Variants in GLIPR2 observed in about 807,000 individuals in gnomAD.
GLIPR2 encodes GLI pathogenesis related 2, also known as Golgi-associated plant pathogenesis-related protein 1.
In GLIPR2, 21 loss-of-function variants were observed where a neutral mutation model predicts 20.4. The ratio of observed to expected loss-of-function variants is 1.03; its 90% CI spans 0.73 to 1.48. The LOEUF (loss-of-function observed/expected upper bound fraction) is 1.48. Among genes scored for constraint, GLIPR2 ranks in the 40% most tolerant of loss-of-function variants. The probability of loss-of-function intolerance (pLI) is 0.00; values close to 1 mark genes in which losing one functional copy is unlikely to be tolerated. For missense variants in GLIPR2, 205 were observed against 200.1 expected (o/e 1.02, Z -0.15); for synonymous variants, 91 against 80.5 (o/e 1.13, Z -0.70).
intron 4 of GLIPR2, among the ~76,000 whole-genome samples, chr9:36,153,303 ATCACTGACTACTCGTT>A (rs1444434563): frequency 2.6e-5 from 4 of 152,114 alleles, no homozygotes; most frequent in Admixed American, 2.6e-4. Flanking sequence ...ACTTTCCATG[ATCACTGACTACTCGTT>A]TCACTCATTG....
At chr9:36,153,371 C>A (rs1430365005) in intron 4 of GLIPR2, among the ~76,000 whole-genome samples, 6 of 152,206 alleles carry the variant, frequency 3.9e-5, no homozygotes, top group Non-Finnish European at 8.8e-5. Flanking sequence ...CCCAGAGCGG[C>A]CAGCCCTTGT....
intron 1 of GLIPR2, among the ~76,000 whole-genome samples, chr9:36,144,005 A>G (rs1825209195): frequency 6.6e-6 from 1 of 151,960 alleles, no homozygotes; most frequent in East Asian, 1.9e-4. Context: ...CCAATTCCTC[A>G]TCAGACCCCT....
intron 1 of GLIPR2, among the ~76,000 whole-genome samples, chr9:36,137,163 C>A (rs200728912): frequency 2.0e-5 from 3 of 152,142 alleles, no homozygotes; most frequent in Non-Finnish European, 4.4e-5. Flanking sequence ...TCGGCTGTCC[C>A]GAGGACAGCC....
intron 4 of GLIPR2, among the ~76,000 whole-genome samples, chr9:36,159,729 G>A (rs1825979447): frequency 1.3e-5 from 2 of 152,002 alleles, no homozygotes. Flanking sequence ...TACTTGGCTG[G>A]GCCAAGGCGA....
chr9:36,155,760 C>T lies in GLIPR2; in HGVS notation c.304+4811C>T, dbSNP rs190699273. Among the ~76,000 whole-genome samples, 45 of 152,120 alleles carry T rather than the reference C, an allele frequency of 3.0e-4. No individual in the cohort carries two copies. The East Asian group carries it at 7.8e-3, about 26-fold the overall frequency. ...GTACACCAGTCTCTTCCTCTCTCTC[C>T]TACTTTCTTTTTTTAATTTTTTAGT... On this transcript the variant is annotated intron_variant, in intron 4 of 4. Coordinates refer to ENST00000377960, the MANE Select transcript of GLIPR2 (RefSeq NM_022343.4).
chr9:36,159,148 A>G (rs1246014277), intron 4 of GLIPR2, among the ~76,000 whole-genome samples: 1 of 152,236 alleles, frequency 6.6e-6, no homozygotes, highest in Non-Finnish European at 1.5e-5. Flanking sequence ...GAGATTTGGA[A>G]GCTAAGCTAT....
intron 1 of GLIPR2, among the ~76,000 whole-genome samples, chr9:36,142,263 C>A (rs928649667): frequency 6.6e-6 from 1 of 152,144 alleles, no homozygotes; most frequent in African/African-American, 2.4e-5. Context: ...CCCTCCCAGG[C>A]CTCCTCAGTC....
chr9:36,136,753 G>T lies in GLIPR2; in HGVS notation c.-26G>T. The T allele has an allele frequency of 7.8e-7, 1 of 1,282,106 alleles. No individual in the cohort carries two copies. Among genetic ancestry groups the T allele is most frequent in the Non-Finnish European group, 9.8e-7 (1 of 1,016,974 alleles). The allele number at this position is 1,282,106 out of a possible 1,614,324, so 79.4% of individuals were successfully genotyped here. ...CGAGCGCAGTGCAGCGCAGCCGCGG[G>T]GAGCGAGGAGCGCGCGGAGCCGGCC... On this transcript the variant is annotated 5_prime_UTR_variant, in exon 1 of 5. Coordinates refer to ENST00000377960, the MANE Select transcript of GLIPR2 (RefSeq NM_022343.4). The surrounding 1 kb of genome is among the most constrained non-coding windows in gnomAD (Gnocchi z 4.3).
In GLIPR2 at chr9:36,136,939, G is replaced by T; in HGVS notation, c.13+148G>T. 1.0e-6 allele frequency: 1 copy of T among 979,638 alleles called. No individual in the cohort carries two copies. The highest frequency in any genetic ancestry group is 1.3e-6 in the Non-Finnish European group (1 of 758,692). 60.7% of individuals were successfully genotyped at this position (979,638 alleles called of 1,614,324 possible). A position where few individuals can be genotyped will look rare whatever the true frequency, so the allele number is the denominator to read the frequency against. Reference sequence around the variant, plus strand: ...GGGCGCGCGGGCGGAGCGCCCCGGCGCGGTTTCCGGGGAACCCGGGGGGAA... The same window carrying T: ...GGGCGCGCGGGCGGAGCGCCCCGGCTCGGTTTCCGGGGAACCCGGGGGGAA... On this transcript the variant is annotated intron_variant, in intron 1 of 4. Coordinates refer to ENST00000377960, the MANE Select transcript of GLIPR2 (RefSeq NM_022343.4). The surrounding 1 kb of genome is among the most constrained non-coding windows in gnomAD (Gnocchi z 4.3).
chr9:36,146,107 AAC>A (rs2132729430), intron 1 of GLIPR2: 1 of 152,446 alleles, frequency 6.6e-6, no homozygotes, highest in Non-Finnish European at 1.5e-5. Flanking sequence ...TTTATTAAAA[AAC>A]AGTTTATTTG....
At chr9:36,152,567 T>C (rs1239012649) in intron 4 of GLIPR2, among the ~76,000 whole-genome samples, 1 of 151,600 alleles carries the variant, frequency 6.6e-6, no homozygotes, top group African/African-American at 2.4e-5. Context: ...CCGGCCAACA[T>C]GGTGAAACCC....
intron 4 of GLIPR2, among the ~76,000 whole-genome samples, chr9:36,152,113 G>A (rs546009394): frequency 6.6e-6 from 1 of 152,178 alleles, no homozygotes; most frequent in South Asian, 2.1e-4. Flanking sequence ...CTGGGACTCT[G>A]GGGCAGAGGC....
At chr9:36,147,175 C>T (rs1825364505) in intron 1 of GLIPR2, among the ~76,000 whole-genome samples, 1 of 152,186 alleles carries the variant, frequency 6.6e-6, no homozygotes, top group Non-Finnish European at 1.5e-5. Context: ...AAAACTCGCC[C>T]TCACACTCTG....
At chr9:36,151,716 C>T (rs1825595377) in intron 4 of GLIPR2, among the ~76,000 whole-genome samples, 1 of 152,138 alleles carries the variant, frequency 6.6e-6, no homozygotes, top group Admixed American at 6.5e-5. Context: ...TTGACGAAAG[C>T]TCCGGGTGGC....
chr9:36,149,501 G>T (rs575772310), intron 3 of GLIPR2, among the ~76,000 whole-genome samples: 2 of 152,272 alleles, frequency 1.3e-5, no homozygotes, highest in East Asian at 3.9e-4. Flanking sequence ...CCCTCACCCT[G>T]CAGGCTCCTT....
chr9:36,149,575 T>C (rs1825492595), intron 3 of GLIPR2, among the ~76,000 whole-genome samples: 2 of 152,128 alleles, frequency 1.3e-5, no homozygotes, highest in South Asian at 4.1e-4. Flanking sequence ...GGAGACATGG[T>C]CCATTCCAGC....
intron 4 of GLIPR2, 102 bp downstream of exon 4, chr9:36,151,051 C>T (rs75594151): frequency 0.051 from 39,883 of 781,864 alleles, 1,347 homozygotes; most frequent in Non-Finnish European, 0.071. Context: ...TCAATCCTTT[C>T]CTTCCTGTTT....
chr9:36,140,922 C>T (rs542778963), intron 1 of GLIPR2, among the ~76,000 whole-genome samples: 4 of 152,184 alleles, frequency 2.6e-5, no homozygotes, highest in East Asian at 1.9e-4. Flanking sequence ...TTCACTCACT[C>T]ATTCACTTAG....
intron 1 of GLIPR2, 32 bp from the exon 2 acceptor site, chr9:36,147,754 C>T (rs1217639836): frequency 3.1e-6 from 3 of 952,682 alleles, no homozygotes; most frequent in Non-Finnish European, 5.2e-6. Flanking sequence ...TTTCTCTGCA[C>T]TGAGCCATTC....
Sources: gnomAD v4.1 joint callset for allele counts (sites outside exome capture counted in the v4.1 genomes callset) on GRCh38, gnomAD v4.1.1 for gene constraint, Gnocchi (gnomAD v3.1) non-coding constraint, MANE v1.5 for transcripts, NCBI Gene and HGNC (gene_info 2026-07-23, HGNC 2026-07-21) for gene names.